GLT1D1: variants seen among roughly 807,000 people sequenced by gnomAD.
GLT1D1 encodes glycosyltransferase 1 domain containing 1, also known as glycosyltransferase 1 domain-containing protein 1.
In GLT1D1, 21 loss-of-function variants were observed where a neutral mutation model predicts 28.7. The ratio of observed to expected loss-of-function variants is 0.73; its 90% CI spans 0.52 to 1.05. The LOEUF is 1.05. GLT1D1 is among the 50% of genes least tolerant of loss of function. The pLI is 0.00. For missense variants in GLT1D1, 343 were observed against 330.6 expected (o/e 1.04, Z -0.29); for synonymous variants, 147 against 124.8 (o/e 1.18, Z -1.19).
chr12:128,856,059 T>C (rs518767), intron 1 of GLT1D1, among the ~76,000 whole-genome samples: 14,754 of 152,158 alleles, frequency 0.097, 807 homozygotes, highest in East Asian at 0.18. Flanking sequence ...GCCTTGGTTG[T>C]CCATTTTTAT....
chr12:128,900,872 G>A (rs1294270774), intron 4 of GLT1D1, among the ~76,000 whole-genome samples: 1 of 152,136 alleles, frequency 6.6e-6, no homozygotes, highest in Admixed American at 6.6e-5. Flanking sequence ...CTGACCTCAA[G>A]TGATCCACCC....
rs1566153502 is a variant in GLT1D1, at chr12:128,939,838, C to CG, written c.376-5488_376-5487insG. 1.0e-3 allele frequency among the ~76,000 whole-genome samples: 43 copies of CG among 42,070 alleles called. 6 individuals are homozygous for CG. Among genetic ancestry groups the CG allele is most frequent in the African/African-American group, 3.1e-3 (42 of 13,500 alleles). 27.6% of individuals were successfully genotyped at this position (42,070 alleles called of 152,430 possible). On this transcript the variant is annotated intron_variant, in intron 4 of 7. Coordinates refer to ENST00000281703, the MANE Select transcript of GLT1D1 (RefSeq NM_144669.3). Reference sequence around the variant, plus strand: ...GGGGATGTTGCCAAATTGTTAGAAACCCCCCCCCACCGCCGATCCAATCAC... The same window carrying CG: ...GGGGATGTTGCCAAATTGTTAGAAACGCCCCCCCCACCGCCGATCCAATCAC...
In GLT1D1 at chr12:128,944,360, T is replaced by G. The variant is rs907744945; in HGVS notation, c.376-966T>G. On this transcript the variant is annotated intron_variant, in intron 4 of 7. Coordinates refer to ENST00000281703, the MANE Select transcript of GLT1D1 (RefSeq NM_144669.3). ...GGCCAAATCTTGTTGGTTTCTGTTC[T>G]GGAGAATGTTTCCAACACCGCTTTT... The G allele has an allele frequency of 3.5e-5, 30 of 869,520 alleles. No homozygotes were observed. The African/African-American group carries it at 4.2e-4, about 12-fold the overall frequency. 53.9% of individuals were successfully genotyped at this position (869,520 alleles called of 1,614,324 possible).
chr12:128,974,988 A>G (rs7295341), intron 7 of GLT1D1, among the ~76,000 whole-genome samples: 30,358 of 152,142 alleles, frequency 0.2, 3,315 homozygotes, highest in Non-Finnish European at 0.26. Flanking sequence ...GATGAATCGG[A>G]TGGGAATTAG....
At chr12:128,922,701 T>A (rs940693923) in intron 4 of GLT1D1, among the ~76,000 whole-genome samples, 2 of 152,094 alleles carry the variant, frequency 1.3e-5, no homozygotes, top group African/African-American at 4.8e-5. Context: ...AGCCAGTGGA[T>A]CACCTGAGGT....
At chr12:128,904,197 C>T (rs552586844) in intron 4 of GLT1D1, among the ~76,000 whole-genome samples, 13 of 151,806 alleles carry the variant, frequency 8.6e-5, no homozygotes, top group East Asian at 3.9e-4. Flanking sequence ...ACAATGTTTT[C>T]GAGAATAATT....
chr12:128,866,365 G>T (rs78001456), intron 1 of GLT1D1, among the ~76,000 whole-genome samples: 1 of 151,894 alleles, frequency 6.6e-6, no homozygotes, highest in South Asian at 2.1e-4. Context: ...CACTGCGCCC[G>T]GCAATTGTAC....
intron 1 of GLT1D1, among the ~76,000 whole-genome samples, chr12:128,867,397 C>CAAAAAAAA (rs1158997935): frequency 1.7e-5 from 1 of 59,304 alleles, no homozygotes. Flanking sequence ...AACTCCTTCT[C>CAAAAAAAA]AAAAAAAAAA....
chr12:128,910,874 C>T (rs1349497342), intron 4 of GLT1D1, among the ~76,000 whole-genome samples: 1 of 152,060 alleles, frequency 6.6e-6, no homozygotes. Flanking sequence ...ATACAAAATG[C>T]GATGCTAAGG....
At chr12:128,920,491 T>C (rs1289859626) in intron 4 of GLT1D1, among the ~76,000 whole-genome samples, 1 of 151,902 alleles carries the variant, frequency 6.6e-6, no homozygotes, top group Non-Finnish European at 1.5e-5. Flanking sequence ...GAGGCGGAGG[T>C]TGCAGTGAGG....
Position 128,853,634 on chromosome 12 carries a change from C to G in GLT1D1, c.53C>G (p.Thr18Arg), listed in dbSNP as rs1315195784. Residue 18 changes from threonine to arginine, a missense_variant, in exon 1 of 8, where the codon ACG becomes AGG. By Grantham distance (71) the Thr-to-Arg change is moderately conservative. Transcript: ENST00000281703. ...CGGCCACACACCGGCAACGCGGTCA[C>G]GGCCCAGCGCGTTCGGTAGGTGCAG... is the stretch of plus-strand genomic sequence containing the variant. 8.6e-7 allele frequency: 1 copy of G among 1,168,372 alleles called. No homozygotes were observed. Among genetic ancestry groups the G allele is most frequent in the Non-Finnish European group, 1.1e-6 (1 of 938,090 alleles). The allele number at this position is 1,168,372 out of a possible 1,614,324, so 72.4% of individuals were successfully genotyped here.
intron 1 of GLT1D1, among the ~76,000 whole-genome samples, chr12:128,869,205 C>T (rs1428898688): frequency 2.6e-5 from 4 of 151,756 alleles, no homozygotes; most frequent in African/African-American, 7.3e-5. Flanking sequence ...CTCACTCGGT[C>T]GTCCAGGCTG....
At position 128,875,172 on chromosome 12, in the gene GLT1D1, C is replaced by T. The variant is rs1011918092; in HGVS notation, c.69-742C>T. On this transcript the variant is annotated intron_variant, in intron 1 of 7. Transcript: ENST00000281703. ...GACTTTTGAAGTCTTTTCAAAGAAC[C>T]GAGCAACAGAGGCCCAAAAACAATC... 7.9e-5 allele frequency among the ~76,000 whole-genome samples: 12 copies of T among 151,436 alleles called. No homozygotes were observed. In the South Asian group the frequency reaches 1.3e-3, roughly 16 times the overall value.
At chr12:128,964,153 G>A (rs1011230676) in intron 7 of GLT1D1, among the ~76,000 whole-genome samples, 1 of 152,342 alleles carries the variant, frequency 6.6e-6, no homozygotes, top group Admixed American at 6.5e-5. Context: ...CACTTTGGGA[G>A]GCCAGATTGC....
chr12:128,914,578 G>A lies in GLT1D1; in HGVS notation c.375+15291G>A, dbSNP rs1446084702. On this transcript the variant is annotated intron_variant, in intron 4 of 7. Coordinates refer to ENST00000281703, the MANE Select transcript of GLT1D1 (RefSeq NM_144669.3). ...CTTACACCTGTAATCCCAGCACTTT[G>A]GGAGGCTGAGGCGGGAGGATCACTT... Among the ~76,000 whole-genome samples, 4 of 152,132 alleles carry A rather than the reference G, an allele frequency of 2.6e-5. No homozygotes were observed. In the East Asian group the frequency reaches 5.8e-4, roughly 22 times the overall value.
intron 4 of GLT1D1, among the ~76,000 whole-genome samples, chr12:128,902,344 A>G (rs888838276): frequency 2.0e-5 from 3 of 151,154 alleles, no homozygotes; most frequent in Non-Finnish European, 2.9e-5. Flanking sequence ...TTAGCCAGGC[A>G]TGGTGGTGCG....
intron 3 of GLT1D1, among the ~76,000 whole-genome samples, chr12:128,897,724 A>G (rs376188215): frequency 6.6e-6 from 1 of 151,902 alleles, no homozygotes; most frequent in East Asian, 1.9e-4. Flanking sequence ...GCTGGAGTGC[A>G]GTGGCACGAT....
chr12:128,937,462 C>T (rs183173292), intron 4 of GLT1D1, among the ~76,000 whole-genome samples: 3 of 152,162 alleles, frequency 2.0e-5, no homozygotes, highest in Non-Finnish European at 2.9e-5. Context: ...GTTACCATAG[C>T]GTGGGGTGGA....
chr12:128,884,977 A>G (rs951810508), intron 2 of GLT1D1, among the ~76,000 whole-genome samples: 2 of 150,292 alleles, frequency 1.3e-5, no homozygotes, highest in African/African-American at 4.9e-5. Context: ...CTGGTCTCAA[A>G]CTCCTGGGGT....
Sources: gnomAD v4.1 joint callset for allele counts (sites outside exome capture counted in the v4.1 genomes callset) on GRCh38, gnomAD v4.1.1 for gene constraint, MANE v1.5 for transcripts, NCBI Gene and HGNC (gene_info 2026-07-23, HGNC 2026-07-21) for gene names.